Variants in CHMP3 observed in about 807,000 individuals in gnomAD.
The protein encoded by CHMP3 is 25.1 protein.
Under a neutral mutation model 27.4 loss-of-function variants are expected in CHMP3, and 8 were observed. The ratio of observed to expected loss-of-function variants is 0.29; its 90% CI spans 0.17 to 0.53. CHMP3 has a LOEUF of 0.53. Among genes scored for constraint, CHMP3 ranks in the 20% least tolerant of loss-of-function variants. The pLI, the probability that CHMP3 is intolerant of heterozygous loss-of-function variation, is 0.96. For synonymous variants in CHMP3, 86 were observed against 85.5 expected, an observed-to-expected ratio of 1.01 and a Z score of -0.03; for missense variants, 208 against 271.5, an observed-to-expected ratio of 0.77 and a Z score of 1.64.
At chr2:86,560,056 G>A (rs2104067173) in intron 1 of CHMP3, among the ~76,000 whole-genome samples, 1 of 152,274 alleles carries the variant, frequency 6.6e-6, no homozygotes, top group East Asian at 1.9e-4. Flanking sequence ...ACGAGGTCAG[G>A]AGATCAAGAC....
At chr2:86,508,977 T>C (rs1007468223) in intron 4 of CHMP3, among the ~76,000 whole-genome samples, 1 of 152,154 alleles carries the variant, frequency 6.6e-6, no homozygotes, top group African/African-American at 2.4e-5. Context: ...AAGTTGTCAT[T>C]TATTTATTCA....
At chr2:86,507,381 G>C (rs555572227) in intron 5 of CHMP3, 98 bp downstream of exon 5, 1 of 950,916 alleles carries the variant, frequency 1.1e-6, no homozygotes, top group African/African-American at 1.6e-5. Flanking sequence ...AATGTAGAAG[G>C]GAGTTAATGC....
intron 2 of CHMP3, chr2:86,540,517 G>A (rs551495319): frequency 2.4e-4 from 36 of 152,136 alleles, no homozygotes; most frequent in African/African-American, 6.7e-4. Context: ...CAGAAAATCC[G>A]AAATCCAAAA....
intron 1 of CHMP3, among the ~76,000 whole-genome samples, chr2:86,554,708 C>T (rs1414475150): frequency 6.6e-6 from 1 of 152,040 alleles, no homozygotes; most frequent in Admixed American, 6.5e-5. Context: ...CCTAAAGAAA[C>T]TCTCTCACAA....
Position 86,505,923 on chromosome 2 carries a change from C to T in CHMP3, c.550G>A (p.Val184Met). 1 of 1,583,486 alleles carries T rather than the reference C, an allele frequency of 6.3e-7. No individual in the cohort carries two copies. The highest frequency in any genetic ancestry group is 8.6e-7 in the Non-Finnish European group (1 of 1,162,596). The change falls in exon 6 of 6, where the codon GTG (valine) becomes ATG (methionine). Residue 184 changes from valine to methionine, a missense_variant. Around this residue, in one of 3 missense-constraint regions of CHMP3, gnomAD observed 62 missense variants for 68.4 expected, o/e 0.91. Transcript: ENST00000263856. ...TCTGGCTCTGGAAGGGCATCAGTCACTTTACTGGGTGCTTTGCCCAAGGCC... is the reference window on the plus strand; with the variant it reads ...TCTGGCTCTGGAAGGGCATCAGTCATTTTACTGGGTGCTTTGCCCAAGGCC... ...AGALGKAPSKVTDALPEPEPP... is the reference protein window; with the variant it reads ...AGALGKAPSKMTDALPEPEPP...
At chr2:86,511,610 G>C (rs1342357081) in intron 3 of CHMP3, 1 of 151,552 alleles carries the variant, frequency 6.6e-6, no homozygotes, top group Non-Finnish European at 1.5e-5. Context: ...ATTATATAAA[G>C]GTGGGAAGAA....
intron 4 of CHMP3, among the ~76,000 whole-genome samples, chr2:86,509,600 T>A (rs761826845): frequency 2.7e-4 from 41 of 152,170 alleles, no homozygotes; most frequent in Admixed American, 1.0e-3. Flanking sequence ...TGAAACAGCA[T>A]CTGTGTGAGG....
intron 3 of CHMP3, among the ~76,000 whole-genome samples, chr2:86,516,867 G>A (rs1675327626): frequency 6.6e-6 from 1 of 152,204 alleles, no homozygotes; most frequent in Non-Finnish European, 1.5e-5. Context: ...GGAGAAGGTG[G>A]AGATGGGAGG....
In CHMP3 at chr2:86,505,718, C is replaced by A; in HGVS notation, c.*86G>T. 7.4e-7 allele frequency: 1 copy of A among 1,346,254 alleles called. No homozygotes were observed. Among genetic ancestry groups the A allele is most frequent in the Non-Finnish European group, 9.6e-7 (1 of 1,042,174 alleles). 83.4% of individuals were successfully genotyped at this position (1,346,254 alleles called of 1,614,324 possible). A position where few individuals can be genotyped will look rare whatever the true frequency, so the allele number is the denominator to read the frequency against. On this transcript the variant is annotated 3_prime_UTR_variant, in exon 6 of 6. Transcript: ENST00000263856. Reference sequence around the variant, plus strand: ...ACAGAACCTTCTCCAAAATGGTAGTCCTCACAACAGAGGTGTAGTGCAAGA... The same window carrying A: ...ACAGAACCTTCTCCAAAATGGTAGTACTCACAACAGAGGTGTAGTGCAAGA...
At chr2:86,554,577 G>A (rs11897930) in intron 1 of CHMP3, among the ~76,000 whole-genome samples, 11,399 of 152,140 alleles carry the variant, frequency 0.075, 479 homozygotes, top group Non-Finnish European at 0.079. Flanking sequence ...ATAAAGACAA[G>A]CAACTTTCAT....
intron 3 of CHMP3, among the ~76,000 whole-genome samples, chr2:86,519,677 T>C (rs1251465084): frequency 6.6e-6 from 1 of 152,230 alleles, no homozygotes; most frequent in Non-Finnish European, 1.5e-5. Context: ...AATCAGTTTG[T>C]GAGGAAGGCA....
At chr2:86,518,101 A>G (rs1017736643) in intron 3 of CHMP3, among the ~76,000 whole-genome samples, 3 of 152,362 alleles carry the variant, frequency 2.0e-5, no homozygotes, top group Admixed American at 2.0e-4. Context: ...TACAAACACA[A>G]TGAATCAGAT....
chr2:86,558,605 G>GT (rs1371308286), intron 1 of CHMP3, among the ~76,000 whole-genome samples: 1 of 152,132 alleles, frequency 6.6e-6, no homozygotes, highest in Non-Finnish European at 1.5e-5. Flanking sequence ...GGTACCATGT[G>GT]TGACAACCAT....
chr2:86,532,025 T>C (rs918003520), intron 2 of CHMP3, among the ~76,000 whole-genome samples: 1 of 152,234 alleles, frequency 6.6e-6, no homozygotes. Context: ...GCACTTTGAA[T>C]GTATAAGATT....
chr2:86,553,933 T>C (rs1161896279), intron 1 of CHMP3, among the ~76,000 whole-genome samples: 1 of 152,236 alleles, frequency 6.6e-6, no homozygotes, highest in Non-Finnish European at 1.5e-5. Flanking sequence ...CACTGTACGA[T>C]CTGCTGTGGT....
At chr2:86,544,564 T>C (rs1005312591) in intron 1 of CHMP3, among the ~76,000 whole-genome samples, 8 of 152,152 alleles carry the variant, frequency 5.3e-5, no homozygotes, top group African/African-American at 1.9e-4. Context: ...GCATGCTGCC[T>C]TCAAGCATCT....
chr2:86,514,637 T>G (rs1445862459), intron 3 of CHMP3, among the ~76,000 whole-genome samples: 1 of 152,182 alleles, frequency 6.6e-6, no homozygotes, highest in Non-Finnish European at 1.5e-5. Context: ...GTTGAATGCA[T>G]AGAATGCAAT....
At chr2:86,524,466 C>T (rs896640157) in intron 3 of CHMP3, among the ~76,000 whole-genome samples, 3 of 152,108 alleles carry the variant, frequency 2.0e-5, no homozygotes, top group Admixed American at 1.3e-4. Context: ...GTACCAAACA[C>T]GTATAAGCTT....
chr2:86,538,218 T>G (rs1486517373), intron 2 of CHMP3, among the ~76,000 whole-genome samples: 1 of 152,102 alleles, frequency 6.6e-6, no homozygotes, highest in African/African-American at 2.4e-5. Flanking sequence ...CTTAGAATCG[T>G]CAAATACTTA....
Sources: gnomAD v4.1 joint callset for allele counts (sites outside exome capture counted in the v4.1 genomes callset) on GRCh38, gnomAD v4.1.1 for gene constraint, gnomAD v4.1.1 regional missense constraint, MANE v1.5 for transcripts, NCBI Gene and HGNC (gene_info 2026-07-23, HGNC 2026-07-21) for gene names.